Variants in ASZ1 observed in about 807,000 individuals in gnomAD.
ASZ1 encodes the protein ankyrin repeat, SAM and basic leucine zipper domain-containing protein 1.
A neutral mutation model predicts 61.8 loss-of-function variants in ASZ1; 67 were observed. The ratio of observed to expected loss-of-function variants is 1.08; its 90% CI spans 0.89 to 1.33. The LOEUF is 1.33. Ranked by LOEUF, ASZ1 falls within the 40% of genes most tolerant of loss-of-function variation. The probability of loss-of-function intolerance (pLI) is 0.00; values close to 1 mark genes in which losing one functional copy is unlikely to be tolerated. For missense variants in ASZ1, 577 were observed against 554.5 expected, an observed-to-expected ratio of 1.04 and a Z score of -0.41; for synonymous variants, 193 against 192.7, an observed-to-expected ratio of 1.00 and a Z score of -0.01.
At chr7:117,377,081 T>C (rs1289680852) in intron 10 of ASZ1, among the ~76,000 whole-genome samples, 1 of 152,124 alleles carries the variant, frequency 6.6e-6, no homozygotes, top group Non-Finnish European at 1.5e-5. Flanking sequence ...AAGGTGGAAA[T>C]GTACAGTCGA....
rs1468082349 is a variant in ASZ1, at chr7:117,363,743, T to C, written c.1281A>G (p.Gln427=). 2.5e-6 allele frequency: 4 copies of C among 1,570,082 alleles called. No homozygotes were observed. The South Asian group carries it at 3.6e-5, about 14-fold the overall frequency. The change falls in exon 13 of 13, where the codon CAA becomes CAG. Residue 427 remains glutamine (Q), a synonymous_variant. Transcript: ENST00000284629. ...GAGTTGGATCATTTTCCCGTTCATT[T>C]TGCAACTAATATTTAGTATGGAAAA... is the stretch of plus-strand genomic sequence containing the variant. The part of the protein sequence containing the change: ...CKLKDLIQKL[Q]NERENDPTHI...
At chr7:117,409,668 T>C (rs1157234670) in intron 4 of ASZ1, among the ~76,000 whole-genome samples, 1 of 151,862 alleles carries the variant, frequency 6.6e-6, no homozygotes, top group African/African-American at 2.4e-5. Context: ...CCAGGATGCA[T>C]AAAATTTAGC....
chr7:117,409,583 T>C lies in ASZ1; in HGVS notation c.440+10580A>G, dbSNP rs146905565. The stretch of plus-strand genomic sequence containing the variant: ...AATTACAAGATACTCCAAGATTTAA[T>C]GACACTGTTATCTGTTTAATAAAAA... On this transcript the variant is annotated intron_variant, in intron 4 of 12. Transcript: ENST00000284629. 1.7e-3 allele frequency among the ~76,000 whole-genome samples: 261 copies of C among 151,998 alleles called. 2 individuals are homozygous for C. The highest frequency in any genetic ancestry group is 5.8e-3 in the African/African-American group (240 of 41,554).
At chr7:117,419,292 A>G (rs1260250172) in intron 4 of ASZ1, among the ~76,000 whole-genome samples, 1 of 152,174 alleles carries the variant, frequency 6.6e-6, no homozygotes, top group African/African-American at 2.4e-5. Flanking sequence ...CTAGACTAAA[A>G]TATTATTTTT....
In ASZ1 at chr7:117,363,641, G is replaced by T. The variant is rs144678473; in HGVS notation, c.1383C>A (p.Phe461Leu). The T allele has an allele frequency of 2.1e-3, 3,290 of 1,603,308 alleles. 16 individuals are homozygous for T. Among genetic ancestry groups the T allele is most frequent in the Admixed American group, 6.7e-3 (387 of 58,130 alleles). The change falls in exon 13 of 13, where the codon TTC (phenylalanine) becomes TTA (leucine). Residue 461 changes from phenylalanine (F) to leucine (L), a missense_variant. Coordinates refer to ENST00000284629, the MANE Select transcript of ASZ1 (RefSeq NM_130768.3). ...GCTTGCAAATGAAAAGAAGAAAACCGAATCCGCATATGGTAATAGCTGTCC... is the reference window on the plus strand; with the variant it reads ...GCTTGCAAATGAAAAGAAGAAAACCTAATCCGCATATGGTAATAGCTGTCC... ...LKRTAITICG[F>L]GFLLFICKLT...
intron 4 of ASZ1, among the ~76,000 whole-genome samples, chr7:117,387,458 T>C (rs79941309): frequency 0.021 from 3,189 of 152,264 alleles, 113 homozygotes; most frequent in African/African-American, 0.073. Context: ...TGATGTCTCA[T>C]CTCCACTGCA....
chr7:117,368,748 A>C (rs773826471), intron 10 of ASZ1, 31 bp from the exon 11 acceptor site: 1 of 1,606,428 alleles, frequency 6.2e-7, no homozygotes, highest in South Asian at 1.1e-5. Context: ...AACAAGCAGG[A>C]ATTACTAATA....
intron 5 of ASZ1, 74 bp from the exon 6 acceptor site, chr7:117,384,934 A>G (rs1044069528): frequency 7.6e-7 from 1 of 1,307,300 alleles, no homozygotes; most frequent in Admixed American, 2.7e-5. Context: ...AGTTTTCAAC[A>G]GTATTTATGA....
At chr7:117,372,204 T>C (rs1362818569) in intron 10 of ASZ1, among the ~76,000 whole-genome samples, 1 of 152,214 alleles carries the variant, frequency 6.6e-6, no homozygotes, top group Non-Finnish European at 1.5e-5. Flanking sequence ...ACTGCATTAT[T>C]TGATCAAATT....
chr7:117,403,331 T>C (rs894301823), intron 4 of ASZ1, among the ~76,000 whole-genome samples: 4 of 152,226 alleles, frequency 2.6e-5, no homozygotes, highest in Non-Finnish European at 4.4e-5. Flanking sequence ...TGTGCACTAC[T>C]GGCCTTATAA....
chr7:117,420,192 TG>T lies in ASZ1; in HGVS notation c.410del (p.Ser137Ter). On this transcript the variant is annotated frameshift_variant, in exon 4 of 13. Coordinates refer to ENST00000284629, the MANE Select transcript of ASZ1 (RefSeq NM_130768.3). LOFTEE classifies it high-confidence loss of function. ...AAGCAACATTTGGATCAGCATTTCT[TG>T]AAAGTAGTAGTTCTACACACTTCAA... is the stretch of plus-strand genomic sequence containing the variant. ...QILKCVELLL[S>X]RNADPNVACR... The T allele has an allele frequency of 6.2e-7, 1 of 1,611,500 alleles. No homozygotes were observed. Among genetic ancestry groups the T allele is most frequent in the East Asian group, 2.2e-5 (1 of 44,772 alleles).
intron 10 of ASZ1, among the ~76,000 whole-genome samples, chr7:117,373,746 A>G (rs886070460): frequency 6.6e-6 from 1 of 152,192 alleles, no homozygotes; most frequent in African/African-American, 2.4e-5. Flanking sequence ...AGCTTTTAAT[A>G]CGTGAACTAT....
At chr7:117,396,670 T>C (rs1472012335) in intron 4 of ASZ1, among the ~76,000 whole-genome samples, 2 of 152,190 alleles carry the variant, frequency 1.3e-5, no homozygotes, top group Non-Finnish European at 2.9e-5. Flanking sequence ...AATTTGCTAA[T>C]ACTTCAAGTG....
intron 10 of ASZ1, among the ~76,000 whole-genome samples, chr7:117,375,892 T>C (rs1369259492): frequency 6.6e-6 from 1 of 151,968 alleles, no homozygotes; most frequent in African/African-American, 2.4e-5. Flanking sequence ...TCAAAAATGA[T>C]CTAGATTTCT....
chr7:117,411,147 C>T (rs1218309941), intron 4 of ASZ1, among the ~76,000 whole-genome samples: 1 of 151,718 alleles, frequency 6.6e-6, no homozygotes, highest in Admixed American at 6.6e-5. Context: ...AACTGGCTTT[C>T]TTCACCTCTA....
intron 4 of ASZ1, among the ~76,000 whole-genome samples, chr7:117,415,342 C>CAAG (rs1796970046): frequency 6.6e-6 from 1 of 152,184 alleles, no homozygotes; most frequent in African/African-American, 2.4e-5. Context: ...TATGAATCAT[C>CAAG]TTTTGTCCGG....
At chr7:117,390,491 TA>T (rs1314642090) in intron 4 of ASZ1, among the ~76,000 whole-genome samples, 1 of 152,136 alleles carries the variant, frequency 6.6e-6, no homozygotes, top group Non-Finnish European at 1.5e-5. Flanking sequence ...GGTGCTGTGA[TA>T]AACATAATGA....
At chr7:117,388,275 TA>T (rs1409238048) in intron 4 of ASZ1, among the ~76,000 whole-genome samples, 1 of 152,068 alleles carries the variant, frequency 6.6e-6, no homozygotes, top group African/African-American at 2.4e-5. Context: ...ACCAGTAAAC[TA>T]AAGAGGGGAA....
intron 4 of ASZ1, among the ~76,000 whole-genome samples, chr7:117,415,705 G>A (rs942070607): frequency 4.6e-5 from 7 of 151,322 alleles, no homozygotes; most frequent in African/African-American, 1.2e-4. Context: ...GGGGAACTCT[G>A]AAAGAAAACT....
Sources: gnomAD v4.1 joint callset for allele counts (sites outside exome capture counted in the v4.1 genomes callset) on GRCh38, gnomAD v4.1.1 for gene constraint, MANE v1.5 for transcripts, NCBI Gene and HGNC (gene_info 2026-07-23, HGNC 2026-07-21) for gene names.